The following POSTN variants were observed in gnomAD, a reference collection of about 807,000 sequenced individuals.
POSTN encodes the protein osteoblast specific factor 2 (fasciclin I-like).
Under a neutral mutation model 104.5 loss-of-function variants are expected in POSTN, and 71 were observed. That is an observed-to-expected ratio of 0.68 (90% confidence interval 0.56 to 0.83). The LOEUF is 0.83. Ranked by LOEUF, POSTN falls within the 40% of genes least tolerant of loss-of-function variation. The pLI, the probability that POSTN is intolerant of heterozygous loss-of-function variation, is 0.00. For synonymous variants in POSTN, 355 were observed against 340.7 expected (o/e 1.04, Z -0.46); for missense variants, 949 against 1,006.8 (o/e 0.94, Z 0.78).
chr13:37,583,871 A>G (rs1024907388), intron 9 of POSTN, 98 bp downstream of exon 9: 4 of 1,422,782 alleles, frequency 2.8e-6, no homozygotes, highest in Non-Finnish European at 2.8e-6. Flanking sequence ...ACTAATCAAC[A>G]CCTCCTAAAA....
At chr13:37,570,372 A>G (rs1471080162) in intron 19 of POSTN, among the ~76,000 whole-genome samples, 1 of 151,806 alleles carries the variant, frequency 6.6e-6, no homozygotes, top group African/African-American at 2.4e-5. Context: ...ATAAAAACAA[A>G]TGCTTTTAGA....
rs372041992 is a variant in POSTN, at chr13:37,598,711, G to A, written c.16C>T (p.Pro6Ser). Reference protein sequence around the residue: MIPFLPMFSLLLLLIV... With the variant: MIPFLSMFSLLLLLIV... ...AGCAGCAATAGTAGAGAAAACATGG[G>A]TAAAAAGGGAATCATCTTGAGTCTC... Residue 6 changes from proline (P) to serine (S), a missense_variant, in exon 1 of 23, where the codon CCC becomes TCC. Transcript: ENST00000379747. The A allele has an allele frequency of 5.0e-6, 8 of 1,612,882 alleles. No homozygotes were observed. Among genetic ancestry groups the A allele is most frequent in the South Asian group, 2.2e-5 (2 of 91,028 alleles).
intron 4 of POSTN, among the ~76,000 whole-genome samples, chr13:37,589,104 A>C (rs1382887332): frequency 2.6e-5 from 4 of 152,176 alleles, no homozygotes; most frequent in African/African-American, 9.7e-5. Context: ...GGGGGGAAAG[A>C]AAATTGCATA....
At chr13:37,578,812 AAAAAAG>A in intron 15 of POSTN, 26 bp downstream of exon 15, 1 of 1,490,564 alleles carries the variant, frequency 6.7e-7, no homozygotes, top group Non-Finnish European at 9.0e-7. Context: ...AAAAAAAAAA[AAAAAAG>A]AAATAAATCA....
intron 2 of POSTN, among the ~76,000 whole-genome samples, chr13:37,594,237 A>G (rs1951020488): frequency 6.6e-6 from 1 of 152,174 alleles, no homozygotes; most frequent in Admixed American, 6.5e-5. Flanking sequence ...CTTAGTCCAT[A>G]GATTGATAAT....
At chr13:37,584,675 TA>T (rs749206114) in intron 8 of POSTN, 40 bp downstream of exon 8, 12 of 1,495,322 alleles carry the variant, frequency 8.0e-6, no homozygotes, top group Non-Finnish European at 1.0e-5. Flanking sequence ...TAAATTACAG[TA>T]AGTAAAAAAA....
Position 37,597,583 on chromosome 13 carries a change from T to G in POSTN, c.120-301A>C, listed in dbSNP as rs1424441627. 7.2e-5 allele frequency among the ~76,000 whole-genome samples: 11 copies of G among 152,198 alleles called. 1 individual carries two copies. The highest frequency in any genetic ancestry group is 7.2e-4 in the Admixed American group (11 of 15,268). On this transcript the variant is annotated intron_variant, in intron 1 of 22. Transcript: ENST00000379747. ...CAGTATGAACGTAATTTTATTTCTATGTGCCTTATTACTTTTAATGGTAGA... is the reference window on the plus strand; with the variant it reads ...CAGTATGAACGTAATTTTATTTCTAGGTGCCTTATTACTTTTAATGGTAGA...
At chr13:37,598,524 A>T (rs555499456) in intron 1 of POSTN, 84 bp downstream of exon 1, 9 of 1,259,242 alleles carry the variant, frequency 7.1e-6, no homozygotes, top group South Asian at 1.6e-5. Context: ...CCTGAGGCAT[A>T]TATGAGAAAC....
intron 2 of POSTN, among the ~76,000 whole-genome samples, 195 bp from the exon 3 acceptor site, chr13:37,592,359 C>T (rs1394724440): frequency 1.3e-5 from 2 of 152,016 alleles, no homozygotes; most frequent in Non-Finnish European, 2.9e-5. Flanking sequence ...AGTGCAGTGG[C>T]GCGATCTGGG....
At chr13:37,591,453 A>AT (rs1255252743) in intron 3 of POSTN, among the ~76,000 whole-genome samples, 1 of 152,188 alleles carries the variant, frequency 6.6e-6, no homozygotes, top group South Asian at 2.1e-4. Flanking sequence ...TGGACTTTAA[A>AT]TATCAGTCTA....
At position 37,574,631 on chromosome 13, in the gene POSTN, A is replaced by C; in HGVS notation, c.2030T>G (p.Val677Gly). 6.3e-7 allele frequency: 1 copy of C among 1,599,622 alleles called. No individual in the cohort carries two copies. The highest frequency in any genetic ancestry group is 2.3e-5 in the East Asian group (1 of 44,416). ...AATCACTTTAATTTTTGGTTCCACAACTTTGGTTATAATTTTAGTTGCTGA... is the reference window on the plus strand; with the variant it reads ...AATCACTTTAATTTTTGGTTCCACACCTTTGGTTATAATTTTAGTTGCTGA... ...TVYTTKIITK[V>G]VEPKIKVIEG... Residue 677 changes from valine (V) to glycine (G), a missense_variant, in exon 17 of 23, where the codon GTT becomes GGT. Physicochemically the swap from Val to Gly is moderately radical, Grantham distance 109. Transcript: ENST00000379747.
chr13:37,566,572 A>G (rs1483587373), intron 21 of POSTN, among the ~76,000 whole-genome samples: 1 of 152,210 alleles, frequency 6.6e-6, no homozygotes, highest in Non-Finnish European at 1.5e-5. Context: ...AAAAGAGTCA[A>G]CTAATTTGGG....
intron 2 of POSTN, among the ~76,000 whole-genome samples, chr13:37,594,071 C>T (rs762488800): frequency 2.6e-5 from 4 of 151,878 alleles, no homozygotes; most frequent in Admixed American, 1.3e-4. Context: ...ATATAGGAGC[C>T]TTATGCAAAT....
At chr13:37,590,610 G>T in intron 3 of POSTN, 81 bp from the exon 4 acceptor site, 2 of 1,187,888 alleles carry the variant, frequency 1.7e-6, no homozygotes, top group Non-Finnish European at 2.3e-6. Flanking sequence ...TTTATGCTGT[G>T]TTTCCCAAGA....
intron 1 of POSTN, among the ~76,000 whole-genome samples, chr13:37,597,887 C>G (rs1249576785): frequency 6.6e-6 from 1 of 152,152 alleles, no homozygotes; most frequent in Admixed American, 6.5e-5. Flanking sequence ...TCCCCTTCCC[C>G]TCTTAAAGGG....
chr13:37,564,137 T>C (rs1950009236), intron 22 of POSTN, among the ~76,000 whole-genome samples: 1 of 147,070 alleles, frequency 6.8e-6, no homozygotes, highest in Admixed American at 6.8e-5. Flanking sequence ...ACTTAACTCT[T>C]ATATACACAA....
At chr13:37,585,432 T>C (rs760855191) in intron 7 of POSTN, among the ~76,000 whole-genome samples, 2 of 152,098 alleles carry the variant, frequency 1.3e-5, no homozygotes, top group Non-Finnish European at 2.9e-5. Flanking sequence ...AAGAGCAGTA[T>C]CTTGTAATAG....
At chr13:37,574,530 G>A (rs745957279) in intron 17 of POSTN, 42 bp downstream of exon 17, 4 of 1,549,008 alleles carry the variant, frequency 2.6e-6, no homozygotes, top group South Asian at 2.5e-5. Flanking sequence ...TTTTACAGAT[G>A]TTTTTACTAT....
Position 37,562,776 on chromosome 13 carries a change from A to G in POSTN, c.*557T>C, listed in dbSNP as rs1464837426. Reference sequence around the variant, plus strand: ...TTAAAAAATATGCATTGCAAGAAGCATATGACAAACATTCTGAGAGTACAA... The same window carrying G: ...TTAAAAAATATGCATTGCAAGAAGCGTATGACAAACATTCTGAGAGTACAA... On this transcript the variant is annotated 3_prime_UTR_variant, in exon 23 of 23. Coordinates refer to ENST00000379747, the MANE Select transcript of POSTN (RefSeq NM_006475.3). The G allele has an allele frequency of 3.9e-5, 6 of 152,242 alleles. No homozygotes were observed. The highest frequency in any genetic ancestry group is 7.3e-5 in the Non-Finnish European group (5 of 68,048). The allele number at this position is 152,242 out of a possible 1,614,324, so 9.4% of individuals were successfully genotyped here.
Sources: gnomAD v4.1 joint callset for allele counts (sites outside exome capture counted in the v4.1 genomes callset) on GRCh38, gnomAD v4.1.1 for gene constraint, MANE v1.5 for transcripts, NCBI Gene and HGNC (gene_info 2026-07-23, HGNC 2026-07-21) for gene names.